The following TAS2R1 variants were observed in gnomAD, a reference collection of about 807,000 sequenced individuals.
TAS2R1 encodes taste 2 receptor member 1.
For synonymous variants in TAS2R1, 141 were observed against 134.2 expected (o/e 1.05, Z -0.35); for missense variants, 370 against 353.4 (o/e 1.05, Z -0.38).
chr5:9,822,915 C>T, the TAS2R1 span, among the ~76,000 whole-genome samples: 5 of 150,198 alleles, frequency 3.3e-5, no homozygotes, highest in African/African-American at 7.4e-5. Flanking sequence ...ACAGAGATAA[C>T]GTTGCAAGGG....
the TAS2R1 span, among the ~76,000 whole-genome samples, chr5:9,900,886 C>G: frequency 6.6e-6 from 1 of 152,096 alleles, no homozygotes; most frequent in Non-Finnish European, 1.5e-5. Context: ...GCCTCCTGCT[C>G]AAACGGATTT....
chr5:9,754,990 CT>C, the TAS2R1 span, among the ~76,000 whole-genome samples: 1 of 152,188 alleles, frequency 6.6e-6, no homozygotes, highest in South Asian at 2.1e-4. Context: ...TTTATAAAAT[CT>C]TGTCTAACAT....
At chr5:9,835,758 C>G in the TAS2R1 span, among the ~76,000 whole-genome samples, 1 of 152,226 alleles carries the variant, frequency 6.6e-6, no homozygotes, top group South Asian at 2.1e-4. Flanking sequence ...CCCTCTCCCA[C>G]AGCCTAATGT....
chr5:9,849,047 T>G, the TAS2R1 span, among the ~76,000 whole-genome samples: 2 of 152,216 alleles, frequency 1.3e-5, no homozygotes, highest in Non-Finnish European at 1.5e-5. Flanking sequence ...ACCAGAGGAA[T>G]GTGAGGAGCT....
At chr5:9,710,307 G>A (rs1039928189) in intron 1 of TAS2R1, among the ~76,000 whole-genome samples, 1 of 151,804 alleles carries the variant, frequency 6.6e-6, no homozygotes, top group African/African-American at 2.4e-5. Flanking sequence ...CCCAAGGCCT[G>A]GGCCAGAGGA....
At chr5:9,649,179 C>T (rs1028081428) in intron 2 of TAS2R1, among the ~76,000 whole-genome samples, 5 of 151,980 alleles carry the variant, frequency 3.3e-5, no homozygotes, top group Non-Finnish European at 5.9e-5. Context: ...TTTTGTCCAC[C>T]GAACAAAACC....
chr5:9,823,728 G>A, the TAS2R1 span, among the ~76,000 whole-genome samples: 1 of 151,752 alleles, frequency 6.6e-6, no homozygotes, highest in Admixed American at 6.6e-5. Context: ...CAGATGGACG[G>A]AGGGAGGAAG....
At chr5:9,631,883 T>C (rs1025023728), upstream of TAS2R1, among the ~76,000 whole-genome samples, 9 of 152,164 alleles carry the variant, frequency 5.9e-5, no homozygotes, top group Non-Finnish European at 1.3e-4. Flanking sequence ...TACAGTGAGA[T>C]GAAGGAAAGA....
the TAS2R1 span, among the ~76,000 whole-genome samples, chr5:9,741,018 C>G: frequency 6.6e-6 from 1 of 152,132 alleles, no homozygotes; most frequent in African/African-American, 2.4e-5. Flanking sequence ...CAGAGCTTAG[C>G]CCCAGAGCAG....
upstream of TAS2R1, among the ~76,000 whole-genome samples, chr5:9,716,669 C>CTA (rs902829387): frequency 1.3e-5 from 2 of 152,116 alleles, no homozygotes; most frequent in Non-Finnish European, 2.9e-5. Flanking sequence ...GCCCTTTTCT[C>CTA]TAGGGGTACA....
the TAS2R1 span, among the ~76,000 whole-genome samples, chr5:9,827,122 C>T: frequency 6.6e-6 from 1 of 152,196 alleles, no homozygotes; most frequent in Non-Finnish European, 1.5e-5. Context: ...ACATTTTCAA[C>T]AGGCACCAGC....
At chr5:9,838,045 C>A in the TAS2R1 span, among the ~76,000 whole-genome samples, 18 of 152,318 alleles carry the variant, frequency 1.2e-4, 1 homozygote, top group South Asian at 1.7e-3. Context: ...CTATGGTGAG[C>A]ATCTCTGTCA....
chr5:9,653,079 T>C (rs549227681), intron 2 of TAS2R1, among the ~76,000 whole-genome samples: 7 of 152,192 alleles, frequency 4.6e-5, no homozygotes, highest in Non-Finnish European at 8.8e-5. Flanking sequence ...TCCACCTTTC[T>C]GCTTCCTGTC....
intron 2 of TAS2R1, among the ~76,000 whole-genome samples, chr5:9,646,882 T>A (rs1287836876): frequency 1.3e-5 from 2 of 152,176 alleles, no homozygotes; most frequent in Admixed American, 6.5e-5. Context: ...AAACAGCTGC[T>A]GAACTAACAA....
chr5:9,706,925 G>T (rs1293979976), intron 1 of TAS2R1, among the ~76,000 whole-genome samples: 2 of 152,156 alleles, frequency 1.3e-5, no homozygotes, highest in Non-Finnish European at 1.5e-5. Context: ...AGTATTAAAT[G>T]ATGCGGTTTT....
chr5:9,812,796 G>A, the TAS2R1 span, among the ~76,000 whole-genome samples: 2 of 152,196 alleles, frequency 1.3e-5, no homozygotes, highest in Non-Finnish European at 2.9e-5. Context: ...AGCAAGCCAT[G>A]TGGACAGTCA....
chr5:9,814,766 GA>G, the TAS2R1 span, among the ~76,000 whole-genome samples: 70 of 151,252 alleles, frequency 4.6e-4, no homozygotes, highest in Middle Eastern at 3.4e-3. Context: ...GGATCTGTCA[GA>G]AAAAAAAAGT....
upstream of TAS2R1, among the ~76,000 whole-genome samples, chr5:9,633,294 T>TTTTATATATATATATATATATA (rs1554051825): frequency 1.5e-4 from 10 of 67,806 alleles, no homozygotes; most frequent in African/African-American, 5.0e-4. Flanking sequence ...TGTGTGTATA[T>TTTTATATATATATATATATATA]TATATATATA....
intron 1 of TAS2R1, among the ~76,000 whole-genome samples, chr5:9,694,111 G>A (rs1269425568): frequency 6.6e-6 from 1 of 151,916 alleles, no homozygotes; most frequent in Non-Finnish European, 1.5e-5. Context: ...CACAAACGAA[G>A]GTTTGTAACT....
Sources: allele counts gnomAD v4.1 joint callset (sites outside exome capture counted in the v4.1 genomes callset), GRCh38; gene constraint gnomAD v4.1.1; transcripts MANE v1.5; gene names NCBI Gene and HGNC (gene_info 2026-07-23, HGNC 2026-07-21).